GNA14: variants seen among roughly 807,000 people sequenced by gnomAD.
GNA14 encodes the protein guanine nucleotide-binding protein subunit alpha-14.
GNA14 carries 50 observed loss-of-function variants against 42.0 expected under a neutral mutation model. The observed-to-expected ratio is 1.19, with a 90% CI of 0.95 to 1.51. The LOEUF is 1.51. GNA14 is among the 40% of genes most tolerant of loss of function. GNA14 has a pLI of 0.00. For synonymous variants in GNA14, 173 were observed against 163.1 expected (o/e 1.06, Z -0.46); for missense variants, 473 against 446.2 (o/e 1.06, Z -0.54).
chr9:77,564,441 G>A (rs1822935563), intron 1 of GNA14, among the ~76,000 whole-genome samples: 2 of 152,074 alleles, frequency 1.3e-5, no homozygotes, highest in South Asian at 2.1e-4. Flanking sequence ...TTGATACCCA[G>A]AGACTACCAG....
intron 2 of GNA14, among the ~76,000 whole-genome samples, chr9:77,450,120 A>C (rs1273279516): frequency 6.6e-6 from 1 of 152,176 alleles, no homozygotes; most frequent in Non-Finnish European, 1.5e-5. Context: ...GAGCTTTGGC[A>C]TTCTGGTTGC....
At chr9:77,532,710 T>C (rs1359925230) in intron 1 of GNA14, among the ~76,000 whole-genome samples, 1 of 152,182 alleles carries the variant, frequency 6.6e-6, no homozygotes, top group African/African-American at 2.4e-5. Context: ...TTAGAATATG[T>C]GGTTTGTTTC....
chr9:77,429,108 T>C (rs1340583649), intron 4 of GNA14, 72 bp from the exon 5 acceptor site: 8 of 1,466,862 alleles, frequency 5.5e-6, no homozygotes, highest in East Asian at 2.3e-5. Flanking sequence ...ACATGAATTA[T>C]AGCATGGAAA....
chr9:77,483,379 A>T (rs11998747), intron 2 of GNA14, among the ~76,000 whole-genome samples: 8,785 of 152,204 alleles, frequency 0.058, 698 homozygotes, highest in African/African-American at 0.18. Context: ...GTGGCTGTAG[A>T]ACAGCGGATA....
chr9:77,479,657 C>A (rs142468842), intron 2 of GNA14, among the ~76,000 whole-genome samples: 1 of 152,148 alleles, frequency 6.6e-6, no homozygotes, highest in Non-Finnish European at 1.5e-5. Context: ...GCCATTTTCA[C>A]GACACTGATT....
intron 1 of GNA14, among the ~76,000 whole-genome samples, chr9:77,614,785 A>G (rs748799899): frequency 1.3e-5 from 2 of 152,154 alleles, no homozygotes; most frequent in African/African-American, 2.4e-5. Context: ...CCCTCAGTTC[A>G]TTAGCATTCT....
chr9:77,483,880 G>A (rs1587791295), intron 2 of GNA14, among the ~76,000 whole-genome samples: 1 of 151,866 alleles, frequency 6.6e-6, no homozygotes, highest in East Asian at 1.9e-4. Flanking sequence ...GAATTAGAAT[G>A]ACATTAGATT....
chr9:77,611,688 A>G (rs1005028076), intron 1 of GNA14, among the ~76,000 whole-genome samples: 1 of 152,200 alleles, frequency 6.6e-6, no homozygotes, highest in African/African-American at 2.4e-5. Flanking sequence ...ACGTATGATC[A>G]TCAGAGAAAA....
chr9:77,454,861 G>T (rs1835972853), intron 2 of GNA14, among the ~76,000 whole-genome samples: 2 of 152,152 alleles, frequency 1.3e-5, no homozygotes, highest in Non-Finnish European at 2.9e-5. Flanking sequence ...CATCTCCCAT[G>T]AATGTTTAGT....
chr9:77,549,677 T>C (rs923025583), intron 1 of GNA14, among the ~76,000 whole-genome samples: 16 of 152,136 alleles, frequency 1.1e-4, no homozygotes, highest in African/African-American at 3.4e-4. Flanking sequence ...TGGGACAATG[T>C]CCTACAATGG....
At chr9:77,570,105 T>C (rs1231384229) in intron 1 of GNA14, among the ~76,000 whole-genome samples, 2 of 152,188 alleles carry the variant, frequency 1.3e-5, no homozygotes, top group Admixed American at 6.6e-5. Flanking sequence ...GACCAAGAAT[T>C]GTATTTCGAT....
chr9:77,434,217 C>T, intron 3 of GNA14, 151 bp downstream of exon 3: 2 of 665,402 alleles, frequency 3.0e-6, no homozygotes, highest in South Asian at 4.0e-5. Flanking sequence ...AGAGATGGCA[C>T]TAAGAGGTCA....
At chr9:77,632,500 CAG>C (rs1333045737) in intron 1 of GNA14, among the ~76,000 whole-genome samples, 1 of 152,190 alleles carries the variant, frequency 6.6e-6, no homozygotes, top group Non-Finnish European at 1.5e-5. Flanking sequence ...GTAACACAAA[CAG>C]GGCTGAAATA....
intron 1 of GNA14, among the ~76,000 whole-genome samples, chr9:77,577,345 G>C (rs1412055794): frequency 6.6e-6 from 1 of 152,128 alleles, no homozygotes; most frequent in Non-Finnish European, 1.5e-5. Context: ...TCCCCTAAAT[G>C]AAAGTTCAGA....
intron 1 of GNA14, 26 bp from the exon 2 acceptor site, chr9:77,529,279 G>A (rs368864993): frequency 3.4e-5 from 54 of 1,574,606 alleles, no homozygotes; most frequent in African/African-American, 1.9e-4. Flanking sequence ...AGTGGAAAAC[G>A]CTGTCAGCAG....
intron 1 of GNA14, among the ~76,000 whole-genome samples, chr9:77,568,830 C>A (rs954460773): frequency 5.3e-5 from 8 of 152,200 alleles, no homozygotes; most frequent in Admixed American, 5.2e-4. Flanking sequence ...CTTCAGCAAA[C>A]CCCCTTCAGC....
chr9:77,503,678 G>T lies in GNA14; in HGVS notation c.309+25391C>A, dbSNP rs1837010589. Among the ~76,000 whole-genome samples the T allele has an allele frequency of 5.5e-5, 8 of 145,160 alleles. No individual in the cohort carries two copies. The Admixed American group carries it at 5.5e-4, about 10-fold the overall frequency. ...ATTTTTTTTTTTTTTTTGAGACAGA[G>T]TCTTGCTCTTGCTCTGTGGCCCAGG... On this transcript the variant is annotated intron_variant, in intron 2 of 6. Transcript: ENST00000341700.
intron 3 of GNA14, among the ~76,000 whole-genome samples, 168 bp downstream of exon 3, chr9:77,434,200 G>A (rs1168903509): frequency 1.3e-5 from 2 of 152,202 alleles, no homozygotes; most frequent in African/African-American, 4.8e-5. Flanking sequence ...GGCTTTAGGA[G>A]GTGGTGAGAG....
At chr9:77,558,664 T>C (rs966656580) in intron 1 of GNA14, among the ~76,000 whole-genome samples, 3 of 152,142 alleles carry the variant, frequency 2.0e-5, no homozygotes, top group Non-Finnish European at 1.5e-5. Flanking sequence ...TTAGGTATGA[T>C]GAAGACACCT....
Sources: allele counts gnomAD v4.1 joint callset (sites outside exome capture counted in the v4.1 genomes callset), GRCh38; gene constraint gnomAD v4.1.1; transcripts MANE v1.5; gene names NCBI Gene and HGNC (gene_info 2026-07-23, HGNC 2026-07-21).